Variants in KCNN2 observed in about 807,000 individuals in gnomAD.
KCNN2 encodes potassium calcium-activated channel subfamily N member 2, also known as small conductance calcium-activated potassium channel protein 2.
KCNN2 carries 24 observed loss-of-function variants against 55.5 expected under a neutral mutation model. The observed-to-expected ratio is 0.43, with a 90% CI of 0.31 to 0.61. The LOEUF is 0.61. Ranked by LOEUF, KCNN2 falls within the 20% of genes least tolerant of loss-of-function variation. The probability of loss-of-function intolerance (pLI) is 0.08; values close to 1 mark genes in which losing one functional copy is unlikely to be tolerated. For missense variants in KCNN2, 754 were observed against 853.6 expected (o/e 0.88, Z 1.45); for synonymous variants, 431 against 336.1 (o/e 1.28, Z -3.09).
At chr5:114,132,647 A>AAATTGTTTT (rs1752095597) in intron 1 of KCNN2, among the ~76,000 whole-genome samples, 1 of 152,206 alleles carries the variant, frequency 6.6e-6, no homozygotes, top group African/African-American at 2.4e-5. Flanking sequence ...TTATTATTTC[A>AAATTGTTTT]AATTGTTTTA....
At chr5:114,389,267 A>C (rs1758387950) in intron 2 of KCNN2, among the ~76,000 whole-genome samples, 1 of 152,142 alleles carries the variant, frequency 6.6e-6, no homozygotes, top group Non-Finnish European at 1.5e-5. Context: ...CAAACTGGTC[A>C]AGAATATATG....
intron 2 of KCNN2, among the ~76,000 whole-genome samples, chr5:114,339,821 A>C (rs1426304956): frequency 6.6e-6 from 1 of 150,688 alleles, no homozygotes; most frequent in Non-Finnish European, 1.5e-5. Flanking sequence ...AAACAAATAA[A>C]TAAATAAATA....
intron 2 of KCNN2, among the ~76,000 whole-genome samples, chr5:114,365,508 T>C (rs979030743): frequency 9.2e-5 from 14 of 152,142 alleles, no homozygotes; most frequent in African/African-American, 3.4e-4. Flanking sequence ...GGTTTAATGG[T>C]CCTTTGACTC....
At chr5:114,108,749 A>C (rs1010164289) in intron 1 of KCNN2, among the ~76,000 whole-genome samples, 53 of 152,210 alleles carry the variant, frequency 3.5e-4, no homozygotes, top group African/African-American at 1.2e-3. Flanking sequence ...GAATAGGACA[A>C]CATTTGTTTA....
At chr5:114,390,667 C>G (rs1758425942) in intron 2 of KCNN2, among the ~76,000 whole-genome samples, 1 of 152,098 alleles carries the variant, frequency 6.6e-6, no homozygotes, top group African/African-American at 2.4e-5. Context: ...GAAATCAACC[C>G]TAGATCTGCT....
chr5:114,303,097 T>A (rs1414484267), intron 2 of KCNN2, among the ~76,000 whole-genome samples: 1 of 152,214 alleles, frequency 6.6e-6, no homozygotes, highest in Non-Finnish European at 1.5e-5. Flanking sequence ...TTGAGCAAGT[T>A]GACTTTGGAA....
At chr5:114,273,152 T>G (rs552002214) in intron 2 of KCNN2, among the ~76,000 whole-genome samples, 1 of 152,170 alleles carries the variant, frequency 6.6e-6, no homozygotes, top group African/African-American at 2.4e-5. Context: ...TTGTGATAGT[T>G]TGCTGAGACA....
chr5:114,170,798 G>A (rs2112542535), intron 1 of KCNN2, among the ~76,000 whole-genome samples: 1 of 151,866 alleles, frequency 6.6e-6, no homozygotes, highest in Non-Finnish European at 1.5e-5. Flanking sequence ...ATCTTTCAGT[G>A]CCCTAAACTA....
intron 2 of KCNN2, among the ~76,000 whole-genome samples, chr5:114,379,145 C>A (rs1161873343): frequency 6.6e-6 from 1 of 151,992 alleles, no homozygotes; most frequent in Non-Finnish European, 1.5e-5. Context: ...CCTCTTAGAC[C>A]TCCTAGTGGT....
chr5:114,361,209 C>G (rs993397800), upstream of KCNN2: 1 of 152,382 alleles, frequency 6.6e-6, no homozygotes, highest in South Asian at 2.1e-4. Context: ...CCGGGAAGCC[C>G]GGCCGGCTCT....
chr5:114,373,077 A>G lies in KCNN2; in HGVS notation c.1218+9076A>G, dbSNP rs190453762. Among the ~76,000 whole-genome samples the G allele has an allele frequency of 8.1e-4, 124 of 152,272 alleles. 1 individual carries two copies. Among genetic ancestry groups the G allele is most frequent in the Non-Finnish European group, 1.5e-3 (100 of 68,012 alleles). ...TAAAATTATTCTTCCAAAAGTTTTTATCAGTCCTTTTATTTTTTAAATGCT... is the reference window on the plus strand; with the variant it reads ...TAAAATTATTCTTCCAAAAGTTTTTGTCAGTCCTTTTATTTTTTAAATGCT... On this transcript the variant is annotated intron_variant, in intron 2 of 7. Coordinates refer to ENST00000673685, the MANE Select transcript of KCNN2 (RefSeq NM_021614.4).
chr5:114,270,765 C>T (rs770056942), intron 2 of KCNN2, among the ~76,000 whole-genome samples: 9 of 152,146 alleles, frequency 5.9e-5, no homozygotes, highest in Admixed American at 5.9e-4. Context: ...GGTTCTTGGT[C>T]TTGCTGACTT....
chr5:114,056,730 C>T (rs1470486899), intron 1 of KCNN2, among the ~76,000 whole-genome samples: 1 of 152,182 alleles, frequency 6.6e-6, no homozygotes, highest in African/African-American at 2.4e-5. Context: ...GGCCATGTCA[C>T]AGCGCGACCT....
At chr5:114,130,933 A>T (rs1216518853) in intron 1 of KCNN2, among the ~76,000 whole-genome samples, 3 of 152,190 alleles carry the variant, frequency 2.0e-5, no homozygotes, top group South Asian at 4.1e-4. Flanking sequence ...AGCTCAGAGA[A>T]TTTGGCCTGA....
chr5:114,449,524 G>T (rs1488716424), intron 3 of KCNN2, among the ~76,000 whole-genome samples: 1 of 152,142 alleles, frequency 6.6e-6, no homozygotes, highest in African/African-American at 2.4e-5. Context: ...CAGCCACCTG[G>T]TGAGGTAGAC....
At chr5:114,306,700 C>CTTTTTTTTT (rs1245549186) in intron 2 of KCNN2, among the ~76,000 whole-genome samples, 89 of 115,488 alleles carry the variant, frequency 7.7e-4, no homozygotes, top group Non-Finnish European at 1.0e-3. Context: ...TTTTTTTTTT[C>CTTTTTTTTT]TTTTTTTTTT....
At chr5:114,488,523 A>G (rs2150138623) in intron 6 of KCNN2, among the ~76,000 whole-genome samples, 1 of 152,162 alleles carries the variant, frequency 6.6e-6, no homozygotes, top group East Asian at 1.9e-4. Flanking sequence ...TGCTCCCTAG[A>G]CTTACAGTTA....
At chr5:114,415,254 T>C (rs767957443) in intron 3 of KCNN2, among the ~76,000 whole-genome samples, 1 of 152,224 alleles carries the variant, frequency 6.6e-6, no homozygotes, top group Non-Finnish European at 1.5e-5. Context: ...TGTTTTTGGC[T>C]ACTAAGAATA....
At chr5:114,393,207 T>C (rs943322638) in intron 2 of KCNN2, among the ~76,000 whole-genome samples, 1 of 152,180 alleles carries the variant, frequency 6.6e-6, no homozygotes, top group African/African-American at 2.4e-5. Flanking sequence ...AATAGAAGCA[T>C]TCAGTAAGTG....
Sources: gnomAD v4.1 joint callset for allele counts (sites outside exome capture counted in the v4.1 genomes callset) on GRCh38, gnomAD v4.1.1 for gene constraint, MANE v1.5 for transcripts, NCBI Gene and HGNC (gene_info 2026-07-23, HGNC 2026-07-21) for gene names.